MTUS2: variants seen among roughly 807,000 people sequenced by gnomAD.
MTUS2 encodes microtubule-associated tumor suppressor candidate 2.
A neutral mutation model predicts 114.1 loss-of-function variants in MTUS2; 40 were observed. That is an observed-to-expected ratio of 0.35 (90% CI 0.27 to 0.46). MTUS2 has a LOEUF of 0.46. Among genes scored for constraint, MTUS2 ranks in the 20% least tolerant of loss-of-function variants. The pLI, the probability that MTUS2 is intolerant of heterozygous loss-of-function variation, is 1.00. For synonymous variants in MTUS2, 688 were observed against 672.0 expected (o/e 1.02, Z -0.37); for missense variants, 1,679 against 1,705.4 (o/e 0.98, Z 0.27).
chr13:28,906,230 AGT>A (rs1880002985), intron 2 of MTUS2, among the ~76,000 whole-genome samples: 1 of 151,260 alleles, frequency 6.6e-6, no homozygotes, highest in Non-Finnish European at 1.5e-5. Flanking sequence ...AATTTTTTGA[AGT>A]GTTTTTTATG....
chr13:28,943,115 A>G (rs1172327208), intron 2 of MTUS2, among the ~76,000 whole-genome samples: 1 of 152,162 alleles, frequency 6.6e-6, no homozygotes, highest in African/African-American at 2.4e-5. Flanking sequence ...ATTCCTATGA[A>G]TGTGATCTGG....
chr13:29,134,430 G>A (rs1891889555), intron 5 of MTUS2, among the ~76,000 whole-genome samples: 1 of 152,094 alleles, frequency 6.6e-6, no homozygotes, highest in Admixed American at 6.5e-5. Context: ...CTTATCTTCT[G>A]TCTGGGTTTC....
chr13:29,138,225 T>C (rs1194217586), intron 5 of MTUS2, among the ~76,000 whole-genome samples: 1 of 151,996 alleles, frequency 6.6e-6, no homozygotes, highest in Non-Finnish European at 1.5e-5. Flanking sequence ...GAGGGGAAAT[T>C]GACCAAAATT....
chr13:28,957,457 G>GA (rs1883124108), intron 2 of MTUS2, among the ~76,000 whole-genome samples: 2 of 152,080 alleles, frequency 1.3e-5, no homozygotes, highest in African/African-American at 4.8e-5. Flanking sequence ...AAAATATTCA[G>GA]AAAAAAGGAG....
rs146012880 is a variant in MTUS2, at chr13:29,478,752, A to G, written c.3185-1398A>G. ...CGGTGGGCCCTGATTGCATTGGGAG[A>G]TCAGAGTCCTCCATTAAATGATGGG... is the stretch of plus-strand genomic sequence containing the variant. On this transcript the variant is annotated intron_variant, in intron 9 of 15. Coordinates refer to ENST00000612955, the MANE Select transcript of MTUS2 (RefSeq NM_001033602.4). 3.7e-3 allele frequency among the ~76,000 whole-genome samples: 570 copies of G among 152,080 alleles called. 4 individuals carry two copies. The highest frequency in any genetic ancestry group is 0.013 in the African/African-American group (536 of 41,480).
chr13:28,927,145 TA>T (rs1423254156), intron 2 of MTUS2, among the ~76,000 whole-genome samples: 2 of 152,238 alleles, frequency 1.3e-5, no homozygotes, highest in East Asian at 1.9e-4. Flanking sequence ...AGCCTAAAAT[TA>T]TTTTTTTGGT....
chr13:29,262,507 G>A (rs1897511344), intron 5 of MTUS2, among the ~76,000 whole-genome samples: 4 of 151,750 alleles, frequency 2.6e-5, no homozygotes, highest in African/African-American at 9.7e-5. Context: ...GGTGGTTGAG[G>A]GAATGGATAA....
intron 1 of MTUS2, among the ~76,000 whole-genome samples, chr13:28,835,999 G>A (rs971328846): frequency 6.6e-6 from 1 of 151,616 alleles, no homozygotes; most frequent in Middle Eastern, 3.4e-3. Context: ...GCTTAGCATC[G>A]TGTTAATGGG....
intron 9 of MTUS2, among the ~76,000 whole-genome samples, chr13:29,448,578 G>T (rs934036824): frequency 7.9e-5 from 12 of 151,450 alleles, no homozygotes; most frequent in African/African-American, 2.9e-4. Flanking sequence ...TGCCTCCTGT[G>T]CCTGTACCCC....
chr13:29,335,272 C>G (rs1900997147), intron 7 of MTUS2, among the ~76,000 whole-genome samples: 1 of 152,150 alleles, frequency 6.6e-6, no homozygotes, highest in South Asian at 2.1e-4. Context: ...GCCCCGGTCT[C>G]CCATAGTGCT....
chr13:28,998,348 T>C (rs1156664486), intron 2 of MTUS2, among the ~76,000 whole-genome samples: 1 of 152,230 alleles, frequency 6.6e-6, no homozygotes, highest in Non-Finnish European at 1.5e-5. Context: ...TCAACTTTGA[T>C]GAATCTGACA....
At chr13:29,094,791 ATCTT>A (rs1435900419) in intron 4 of MTUS2, among the ~76,000 whole-genome samples, 1 of 151,888 alleles carries the variant, frequency 6.6e-6, no homozygotes, top group African/African-American at 2.4e-5. Context: ...ATTGACATCT[ATCTT>A]CTTTTTTAAT....
chr13:29,359,885 C>T (rs1870081862), intron 8 of MTUS2, among the ~76,000 whole-genome samples: 1 of 152,158 alleles, frequency 6.6e-6, no homozygotes, highest in Admixed American at 6.5e-5. Flanking sequence ...GTACCGTTCA[C>T]GTCGGCTGTT....
chr13:29,092,320 C>T (rs1889991965), intron 4 of MTUS2, among the ~76,000 whole-genome samples: 1 of 152,128 alleles, frequency 6.6e-6, no homozygotes, highest in Non-Finnish European at 1.5e-5. Context: ...TACATGGTGC[C>T]TTTGTTTTAG....
chr13:29,348,070 A>T (rs1868884762), intron 7 of MTUS2, among the ~76,000 whole-genome samples: 1 of 151,934 alleles, frequency 6.6e-6, no homozygotes, highest in Non-Finnish European at 1.5e-5. Flanking sequence ...AGGGATTTTT[A>T]TAAGGCTTCA....
rs146584145 is a variant in MTUS2 at position 29,290,572 on chromosome 13, C to T, written c.2806+8707C>T. Among the ~76,000 whole-genome samples, 18 of 152,234 alleles carry T rather than the reference C, an allele frequency of 1.2e-4. 1 individual carries two copies. In the East Asian group the frequency reaches 1.7e-3, roughly 15 times the overall value. ...GTCTCGATCTCCTGACCTCGTGATC[C>T]GCCTGCCTCGGCCTCCCAAAGTGCT... On this transcript the variant is annotated intron_variant, in intron 6 of 15. Transcript: ENST00000612955.
At chr13:29,204,859 A>G (rs1016982166) in intron 5 of MTUS2, among the ~76,000 whole-genome samples, 1 of 152,218 alleles carries the variant, frequency 6.6e-6, no homozygotes, top group Non-Finnish European at 1.5e-5. Context: ...CCTGCTGGCC[A>G]TAGGGTCCCT....
intron 5 of MTUS2, among the ~76,000 whole-genome samples, chr13:29,209,872 G>T (rs1382289020): frequency 2.6e-5 from 4 of 152,022 alleles, no homozygotes; most frequent in Non-Finnish European, 2.9e-5. Context: ...TTCTTTCCTT[G>T]TCTTCACTTT....
chr13:29,428,713 A>G, intron 8 of MTUS2: 2 of 1,516,036 alleles, frequency 1.3e-6, no homozygotes, highest in Non-Finnish European at 1.8e-6. Flanking sequence ...TAAGGTAGCC[A>G]AGGGAACCAC....
Sources: allele counts gnomAD v4.1 joint callset (sites outside exome capture counted in the v4.1 genomes callset), GRCh38; gene constraint gnomAD v4.1.1; transcripts MANE v1.5; gene names NCBI Gene and HGNC (gene_info 2026-07-23, HGNC 2026-07-21).